Variants in ROBO2 observed in about 807,000 individuals in gnomAD.
ROBO2 encodes the protein roundabout homolog 2.
Under a neutral mutation model 160.8 loss-of-function variants are expected in ROBO2, and 53 were observed. The observed-to-expected ratio is 0.33, with a 90% CI of 0.26 to 0.41. The LOEUF (loss-of-function observed/expected upper bound fraction) is 0.41, where lower values mean the gene tolerates loss of function less well. ROBO2 is among the 10% of genes least tolerant of loss of function. The pLI, the probability that ROBO2 is intolerant of heterozygous loss-of-function variation, is 1.00. For synonymous variants in ROBO2, 664 were observed against 611.7 expected, an observed-to-expected ratio of 1.09 and a Z score of -1.26; for missense variants, 1,577 against 1,722.4, an observed-to-expected ratio of 0.92 and a Z score of 1.49.
intron 2 of ROBO2, among the ~76,000 whole-genome samples, chr3:76,973,618 C>T (rs929260026): frequency 3.9e-5 from 6 of 152,096 alleles, no homozygotes; most frequent in Admixed American, 1.3e-4. Flanking sequence ...CAGCATGTCA[C>T]AGATAATTAA....
At chr3:76,414,697 C>T (rs967635056) in intron 2 of ROBO2, among the ~76,000 whole-genome samples, 7 of 148,166 alleles carry the variant, frequency 4.7e-5, no homozygotes, top group African/African-American at 1.0e-4. Flanking sequence ...AGCGCACCAG[C>T]ATGGCACATG....
chr3:76,037,321 G>A lies in ROBO2; in HGVS notation c.109+99719G>A, dbSNP rs868537100. The stretch of plus-strand genomic sequence containing the variant: ...TTCCCAGGCTGGAGTGCAGTGGCGC[G>A]ATCTCGGCTCACTGCAACCTCCGCC... On this transcript the variant is annotated intron_variant, in intron 2 of 26. Transcript: ENST00000487694. Among the ~76,000 whole-genome samples the A allele has an allele frequency of 1.0e-4, 15 of 148,502 alleles. No individual in the cohort carries two copies. In the South Asian group the frequency reaches 2.5e-3, roughly 25 times the overall value.
At chr3:77,449,730 G>C (rs1344808653) in intron 2 of ROBO2, among the ~76,000 whole-genome samples, 1 of 152,024 alleles carries the variant, frequency 6.6e-6, no homozygotes, top group African/African-American at 2.4e-5. Context: ...CACGTGCTTA[G>C]CTAGCAAAAT....
intron 2 of ROBO2, among the ~76,000 whole-genome samples, chr3:76,431,585 G>GAAC (rs1449706647): frequency 3.3e-5 from 5 of 152,004 alleles, no homozygotes; most frequent in Non-Finnish European, 5.9e-5. Flanking sequence ...GTGTTCCCAA[G>GAAC]ATAATCTTTC....
intron 2 of ROBO2, among the ~76,000 whole-genome samples, chr3:76,862,603 T>A (rs1577100391): frequency 6.6e-6 from 1 of 152,064 alleles, no homozygotes; most frequent in Non-Finnish European, 1.5e-5. Context: ...TCTCTCTGTG[T>A]CCCTGTGTCT....
intron 5 of ROBO2, among the ~76,000 whole-genome samples, chr3:77,519,414 T>C (rs946090463): frequency 6.6e-6 from 1 of 151,330 alleles, no homozygotes; most frequent in South Asian, 2.1e-4. Context: ...CATGGGTATA[T>C]AGTGTGACAG....
chr3:76,141,698 T>G (rs1052065557), intron 2 of ROBO2, among the ~76,000 whole-genome samples: 3 of 151,988 alleles, frequency 2.0e-5, no homozygotes, highest in South Asian at 2.1e-4. Flanking sequence ...TAGAGATCCA[T>G]GTGGCTAAAT....
At chr3:76,553,505 T>C (rs1233575199) in intron 2 of ROBO2, among the ~76,000 whole-genome samples, 1 of 152,204 alleles carries the variant, frequency 6.6e-6, no homozygotes, top group Non-Finnish European at 1.5e-5. Flanking sequence ...ACACTAGATA[T>C]TGGGCTCTAC....
intron 2 of ROBO2, among the ~76,000 whole-genome samples, chr3:77,225,902 G>A (rs62253276): frequency 0.028 from 4,247 of 152,070 alleles, 65 homozygotes; most frequent in Middle Eastern, 0.048. Context: ...AGATGTTCAA[G>A]ATGTTTAATT....
At chr3:77,257,536 T>A (rs976186848) in intron 2 of ROBO2, among the ~76,000 whole-genome samples, 25 of 152,132 alleles carry the variant, frequency 1.6e-4, no homozygotes, top group African/African-American at 6.0e-4. Flanking sequence ...TAATAGGAAA[T>A]AACTATGTAT....
At chr3:76,380,149 C>G (rs1178897666) in intron 2 of ROBO2, among the ~76,000 whole-genome samples, 1 of 151,852 alleles carries the variant, frequency 6.6e-6, no homozygotes, top group African/African-American at 2.4e-5. Context: ...CACCTGTGTG[C>G]TTTGAAGTCT....
chr3:77,339,910 T>A (rs568728628), intron 2 of ROBO2, among the ~76,000 whole-genome samples: 1 of 152,244 alleles, frequency 6.6e-6, no homozygotes, highest in South Asian at 2.1e-4. Flanking sequence ...AGATAGCTAC[T>A]TTTTATTGTT....
chr3:77,570,631 A>C (rs77855236), intron 13 of ROBO2, among the ~76,000 whole-genome samples: 2,407 of 152,126 alleles, frequency 0.016, 67 homozygotes, highest in African/African-American at 0.056. Context: ...TATGCATTTG[A>C]AAGAGATAAA....
intron 9 of ROBO2, among the ~76,000 whole-genome samples, chr3:77,558,430 G>A (rs1480811945): frequency 6.6e-6 from 1 of 151,884 alleles, no homozygotes; most frequent in Non-Finnish European, 1.5e-5. Flanking sequence ...TAAACACATA[G>A]CATTAATATG....
chr3:77,269,800 G>T (rs1235171480), intron 2 of ROBO2, among the ~76,000 whole-genome samples: 1 of 152,030 alleles, frequency 6.6e-6, no homozygotes, highest in East Asian at 1.9e-4. Context: ...AGTCTCCATA[G>T]TTTTCAGAAA....
At chr3:76,969,761 G>A (rs1271949664) in intron 2 of ROBO2, among the ~76,000 whole-genome samples, 2 of 151,996 alleles carry the variant, frequency 1.3e-5, no homozygotes, top group East Asian at 1.9e-4. Context: ...CAAAGAGGAC[G>A]ATTTTTCTTA....
intron 2 of ROBO2, among the ~76,000 whole-genome samples, chr3:76,657,552 C>A (rs893191119): frequency 1.3e-5 from 2 of 149,690 alleles, no homozygotes; most frequent in Middle Eastern, 3.5e-3. Context: ...TCCAGACCAG[C>A]CTGGGAAACA....
intron 2 of ROBO2, among the ~76,000 whole-genome samples, chr3:76,372,475 A>G (rs542051379): frequency 6.6e-6 from 1 of 152,066 alleles, no homozygotes; most frequent in South Asian, 2.1e-4. Context: ...AATAGTTTTT[A>G]TATGGTAAAA....
chr3:77,460,094 A>G (rs1164367457), intron 2 of ROBO2, among the ~76,000 whole-genome samples: 1 of 152,006 alleles, frequency 6.6e-6, no homozygotes, highest in African/African-American at 2.4e-5. Context: ...GCTGCTGTGT[A>G]CTCTGAGAGA....
Sources: gnomAD v4.1 joint callset for allele counts (sites outside exome capture counted in the v4.1 genomes callset) on GRCh38, gnomAD v4.1.1 for gene constraint, MANE v1.5 for transcripts, NCBI Gene and HGNC (gene_info 2026-07-23, HGNC 2026-07-21) for gene names.